Variants in PAWR observed in about 807,000 individuals in gnomAD.
The protein encoded by PAWR is PRKC apoptosis WT1 regulator protein.
Under a neutral mutation model 32.0 loss-of-function variants are expected in PAWR, and 23 were observed. The ratio of observed to expected loss-of-function variants is 0.72; its 90% confidence interval spans 0.52 to 1.02. The LOEUF is 1.02. PAWR is among the 50% of genes least tolerant of loss of function. The probability of loss-of-function intolerance (pLI) is 0.00; values close to 1 mark genes in which losing one functional copy is unlikely to be tolerated. For synonymous variants in PAWR, 226 were observed against 187.1 expected, an observed-to-expected ratio of 1.21 and a Z score of -1.70; for missense variants, 457 against 437.7, an observed-to-expected ratio of 1.04 and a Z score of -0.39.
intron 2 of PAWR, among the ~76,000 whole-genome samples, chr12:79,674,218 G>T (rs985456235): frequency 6.6e-6 from 1 of 152,018 alleles, no homozygotes; most frequent in Non-Finnish European, 1.5e-5. Flanking sequence ...TGGACCAATG[G>T]AGCAGGTCAG....
intron 2 of PAWR, among the ~76,000 whole-genome samples, chr12:79,686,499 C>A (rs971123040): frequency 3.3e-5 from 5 of 152,098 alleles, no homozygotes; most frequent in African/African-American, 1.2e-4. Flanking sequence ...AATATTAATG[C>A]CTGGGATCCA....
chr12:79,605,292 C>T (rs1325261676), intron 4 of PAWR, among the ~76,000 whole-genome samples: 1 of 151,686 alleles, frequency 6.6e-6, no homozygotes, highest in African/African-American at 2.4e-5. Flanking sequence ...AGTGAATTAT[C>T]CTAAAGAGAT....
chr12:79,654,807 G>A (rs758477560), intron 2 of PAWR, among the ~76,000 whole-genome samples: 4 of 151,988 alleles, frequency 2.6e-5, no homozygotes, highest in Non-Finnish European at 5.9e-5. Flanking sequence ...AGAACAACAC[G>A]GAGGAAACCA....
In PAWR at chr12:79,587,744, T is replaced by C. The variant is rs1873426804; in HGVS notation, c.*4863A>G. ...CCTTTAGCTTCAAAAGTAAAACTCA[T>C]AGTCAGGATTTTACTGATAGTACAG... On this transcript the variant is annotated 3_prime_UTR_variant, in exon 7 of 7. Transcript: ENST00000328827. 1 of 151,936 alleles carries C rather than the reference T, an allele frequency of 6.6e-6. No homozygotes were observed. The highest frequency in any genetic ancestry group is 2.4e-5 in the African/African-American group (1 of 41,394). The allele number at this position is 151,936 out of a possible 1,614,324, so 9.4% of individuals were successfully genotyped here. A position where few individuals can be genotyped will look rare whatever the true frequency, so the allele number is the denominator to read the frequency against.
chr12:79,641,714 G>T (rs1592524790), intron 2 of PAWR, among the ~76,000 whole-genome samples: 1 of 151,938 alleles, frequency 6.6e-6, no homozygotes, highest in East Asian at 1.9e-4. Flanking sequence ...GGGCGTAGTG[G>T]CATGTTCCTG....
intron 4 of PAWR, among the ~76,000 whole-genome samples, chr12:79,612,964 A>C (rs1874509401): frequency 6.6e-6 from 1 of 152,184 alleles, no homozygotes; most frequent in Non-Finnish European, 1.5e-5. Flanking sequence ...TGAAGCCATA[A>C]CCCTTAATGA....
chr12:79,674,820 C>G (rs982019996), intron 2 of PAWR, among the ~76,000 whole-genome samples: 2 of 152,080 alleles, frequency 1.3e-5, no homozygotes, highest in Admixed American at 1.3e-4. Context: ...CTCAATATGA[C>G]TAATCATTTG....
At chr12:79,669,872 T>G (rs1241704992) in intron 2 of PAWR, among the ~76,000 whole-genome samples, 1 of 152,070 alleles carries the variant, frequency 6.6e-6, no homozygotes, top group Admixed American at 6.6e-5. Flanking sequence ...GGCTAATTTT[T>G]GTATTTTCAG....
At chr12:79,655,713 A>C (rs894180389) in intron 2 of PAWR, among the ~76,000 whole-genome samples, 5 of 152,220 alleles carry the variant, frequency 3.3e-5, no homozygotes, top group Non-Finnish European at 5.9e-5. Flanking sequence ...TAAATTTAGA[A>C]ACAGGTTGTC....
At chr12:79,603,406 A>G (rs1238909490) in intron 4 of PAWR, among the ~76,000 whole-genome samples, 4 of 152,016 alleles carry the variant, frequency 2.6e-5, no homozygotes, top group African/African-American at 7.2e-5. Flanking sequence ...ATTATAGAAG[A>G]CCATTAGAAG....
intron 2 of PAWR, among the ~76,000 whole-genome samples, chr12:79,670,628 A>G (rs912504261): frequency 2.0e-5 from 3 of 152,190 alleles, no homozygotes; most frequent in Admixed American, 1.3e-4. Flanking sequence ...AATTTACAAA[A>G]TATCAAGGTA....
intron 2 of PAWR, among the ~76,000 whole-genome samples, chr12:79,636,168 T>G (rs1159853804): frequency 6.6e-6 from 1 of 152,094 alleles, no homozygotes; most frequent in Non-Finnish European, 1.5e-5. Flanking sequence ...TTACTACAGC[T>G]CAAAGATTTT....
intron 2 of PAWR, among the ~76,000 whole-genome samples, chr12:79,645,348 C>T (rs1322941362): frequency 6.6e-6 from 1 of 152,112 alleles, no homozygotes; most frequent in South Asian, 2.1e-4. Context: ...GATTACTTAG[C>T]CCACTAAGAG....
intron 2 of PAWR, among the ~76,000 whole-genome samples, chr12:79,639,957 T>G (rs182243504): frequency 4.4e-4 from 66 of 148,944 alleles, no homozygotes; most frequent in African/African-American, 1.5e-3. Flanking sequence ...CAGGCTGGAG[T>G]GCAGTGGCAT....
At chr12:79,635,335 T>C (rs1472754129) in intron 2 of PAWR, among the ~76,000 whole-genome samples, 1 of 152,064 alleles carries the variant, frequency 6.6e-6, no homozygotes, top group Non-Finnish European at 1.5e-5. Context: ...CTAAAAGGTA[T>C]TATGAAATTC....
chr12:79,640,022 A>G (rs530438760), intron 2 of PAWR, among the ~76,000 whole-genome samples: 61 of 152,166 alleles, frequency 4.0e-4, no homozygotes, highest in African/African-American at 1.3e-3. Flanking sequence ...CTCCTGCCTC[A>G]GCCTCCTGAG....
At chr12:79,615,291 C>A (rs147590338) in intron 3 of PAWR, among the ~76,000 whole-genome samples, 1 of 152,134 alleles carries the variant, frequency 6.6e-6, no homozygotes, top group Non-Finnish European at 1.5e-5. Flanking sequence ...CTTTCTTTCT[C>A]CCCCAAAACC....
chr12:79,648,368 A>C (rs1341056844), intron 2 of PAWR, among the ~76,000 whole-genome samples: 1 of 152,072 alleles, frequency 6.6e-6, no homozygotes, highest in Non-Finnish European at 1.5e-5. Flanking sequence ...GGTTCGGTAA[A>C]TGAAGAGTCA....
chr12:79,621,333 G>T, intron 2 of PAWR, 126 bp from the exon 3 acceptor site: 1 of 716,006 alleles, frequency 1.4e-6, no homozygotes, highest in South Asian at 2.1e-5. Flanking sequence ...CATAATAAAA[G>T]TATTTTTCTT....
Sources: gnomAD v4.1 joint callset for allele counts (sites outside exome capture counted in the v4.1 genomes callset) on GRCh38, gnomAD v4.1.1 for gene constraint, MANE v1.5 for transcripts, NCBI Gene and HGNC (gene_info 2026-07-23, HGNC 2026-07-21) for gene names.